Variants in KCNK1 observed in about 807,000 individuals in gnomAD.
KCNK1 encodes the protein potassium channel subfamily K member 1.
A neutral mutation model predicts 22.2 loss-of-function variants in KCNK1; 10 were observed. The observed-to-expected ratio is 0.45, with a 90% CI of 0.28 to 0.76. The LOEUF (loss-of-function observed/expected upper bound fraction) is 0.76. Among genes scored for constraint, KCNK1 ranks in the 30% least tolerant of loss-of-function variants. KCNK1 has a pLI of 0.14. For synonymous variants in KCNK1, 200 were observed against 186.4 expected, an observed-to-expected ratio of 1.07 and a Z score of -0.60; for missense variants, 378 against 421.0, an observed-to-expected ratio of 0.90 and a Z score of 0.89.
chr1:233,616,575 G>T (rs1194234549), intron 1 of KCNK1, among the ~76,000 whole-genome samples: 2 of 152,128 alleles, frequency 1.3e-5, no homozygotes, highest in African/African-American at 4.8e-5. Context: ...AGTGCAAGGG[G>T]CACTTAAGGA....
intron 1 of KCNK1, among the ~76,000 whole-genome samples, chr1:233,651,464 G>A (rs962360284): frequency 6.6e-6 from 1 of 152,068 alleles, no homozygotes; most frequent in Non-Finnish European, 1.5e-5. Flanking sequence ...AAATATTGAG[G>A]CTTTAGGAAA....
intron 1 of KCNK1, chr1:233,649,829 C>T (rs1035221716): frequency 1.0e-5 from 4 of 399,028 alleles, no homozygotes; most frequent in African/African-American, 2.1e-5. Context: ...CACAAACATT[C>T]AGACTGTAGC....
intron 1 of KCNK1, among the ~76,000 whole-genome samples, chr1:233,659,004 AT>A (rs1460123504): frequency 2.6e-5 from 4 of 151,874 alleles, no homozygotes; most frequent in African/African-American, 9.7e-5. Context: ...TCTTCAATTT[AT>A]TTTCTTTCTT....
intron 1 of KCNK1, among the ~76,000 whole-genome samples, chr1:233,618,512 G>A (rs1410135608): frequency 6.6e-6 from 1 of 152,004 alleles, no homozygotes; most frequent in Admixed American, 6.6e-5. Context: ...AGAACAATTT[G>A]TGATGTTGAT....
chr1:233,667,574 C>CA (rs1354759981), intron 2 of KCNK1, among the ~76,000 whole-genome samples: 4 of 151,344 alleles, frequency 2.6e-5, no homozygotes, highest in African/African-American at 9.7e-5. Context: ...ACTAAAAATA[C>CA]AAAAAATTAG....
intron 1 of KCNK1, among the ~76,000 whole-genome samples, chr1:233,621,016 G>A (rs1231331003): frequency 6.6e-6 from 1 of 152,122 alleles, no homozygotes; most frequent in African/African-American, 2.4e-5. Context: ...CTCTACTTAG[G>A]TCCCAAAGCC....
Position 233,672,369 on chromosome 1 carries a change from T to A in KCNK1, c.*839T>A, listed in dbSNP as rs768106663. On this transcript the variant is annotated 3_prime_UTR_variant, in exon 3 of 3. Coordinates refer to ENST00000366621, the MANE Select transcript of KCNK1 (RefSeq NM_002245.4). ...TTTATTAAAAGGTTAAGATACTTTGTTTTGAAAGTACATTGTGATTTGCAG... is the reference window on the plus strand; with the variant it reads ...TTTATTAAAAGGTTAAGATACTTTGATTTGAAAGTACATTGTGATTTGCAG... 2 of 151,822 alleles carry A rather than the reference T, an allele frequency of 1.3e-5. No individual in the cohort carries two copies. Among genetic ancestry groups the A allele is most frequent in the Non-Finnish European group, 2.9e-5 (2 of 67,954 alleles). The allele number at this position is 151,822 out of a possible 1,614,324, so 9.4% of individuals were successfully genotyped here. A position where few individuals can be genotyped will look rare whatever the true frequency, so the allele number is the denominator to read the frequency against.
At chr1:233,642,830 G>A (rs1181309851) in intron 1 of KCNK1, among the ~76,000 whole-genome samples, 10 of 151,712 alleles carry the variant, frequency 6.6e-5, no homozygotes, top group South Asian at 2.1e-4. Context: ...GTGCAGTGGC[G>A]TGATCTAGGC....
chr1:233,631,138 C>G, intron 1 of KCNK1: 2 of 417,964 alleles, frequency 4.8e-6, no homozygotes, highest in South Asian at 3.7e-5. Context: ...TGCCTCATCT[C>G]TGGCTCTCAG....
At chr1:233,660,476 A>G (rs186408475) in intron 1 of KCNK1, 2 of 152,322 alleles carry the variant, frequency 1.3e-5, no homozygotes, top group East Asian at 3.9e-4. Flanking sequence ...CAATTTAGGG[A>G]CAGTCTTCAT....
chr1:233,661,134 TC>T (rs1357645906), intron 1 of KCNK1, among the ~76,000 whole-genome samples: 2 of 152,212 alleles, frequency 1.3e-5, no homozygotes, highest in African/African-American at 4.8e-5. Context: ...CCCGTTTCCC[TC>T]CTTTCCAGAA....
chr1:233,670,000 G>C (rs1391272023), intron 2 of KCNK1, among the ~76,000 whole-genome samples: 1 of 152,090 alleles, frequency 6.6e-6, no homozygotes, highest in Non-Finnish European at 1.5e-5. Context: ...GCCAATTTTA[G>C]CTTCCCTACT....
At chr1:233,634,254 T>C (rs1484170474) in intron 1 of KCNK1, among the ~76,000 whole-genome samples, 1 of 150,228 alleles carries the variant, frequency 6.7e-6, no homozygotes, top group Admixed American at 6.7e-5. Context: ...TGAAGTGAAC[T>C]GAGATCTCGC....
At chr1:233,650,919 A>T (rs1029037518) in intron 1 of KCNK1, among the ~76,000 whole-genome samples, 1 of 152,222 alleles carries the variant, frequency 6.6e-6, no homozygotes, top group Non-Finnish European at 1.5e-5. Context: ...AAGCCTTAGC[A>T]GGTGGCTGCT....
At chr1:233,643,314 G>A (rs770320402) in intron 1 of KCNK1, among the ~76,000 whole-genome samples, 8 of 152,122 alleles carry the variant, frequency 5.3e-5, no homozygotes, top group African/African-American at 1.9e-4. Flanking sequence ...GGGAGGCTGT[G>A]GGTACTAGTT....
At chr1:233,647,362 T>G (rs1201033839) in intron 1 of KCNK1, among the ~76,000 whole-genome samples, 1 of 152,152 alleles carries the variant, frequency 6.6e-6, no homozygotes, top group Non-Finnish European at 1.5e-5. Flanking sequence ...TAGTATGTAG[T>G]TGGGGCTCAG....
chr1:233,635,692 T>C (rs906962046), intron 1 of KCNK1, among the ~76,000 whole-genome samples: 2 of 152,202 alleles, frequency 1.3e-5, no homozygotes, highest in Admixed American at 6.5e-5. Context: ...GCAAAATATT[T>C]TGGGGGCACC....
intron 1 of KCNK1, among the ~76,000 whole-genome samples, chr1:233,647,096 A>G (rs1457462738): frequency 1.3e-5 from 2 of 152,220 alleles, no homozygotes; most frequent in Non-Finnish European, 2.9e-5. Context: ...CAGATGTTTA[A>G]TCTTCTGGAA....
chr1:233,639,552 A>G (rs1035372927), intron 1 of KCNK1, among the ~76,000 whole-genome samples: 5 of 152,230 alleles, frequency 3.3e-5, no homozygotes, highest in African/African-American at 1.2e-4. Flanking sequence ...TGGCAAGAGT[A>G]TTTAAACTAG....
Sources: gnomAD v4.1 joint callset for allele counts (sites outside exome capture counted in the v4.1 genomes callset) on GRCh38, gnomAD v4.1.1 for gene constraint, MANE v1.5 for transcripts, NCBI Gene and HGNC (gene_info 2026-07-23, HGNC 2026-07-21) for gene names.